KIF5C: variants seen among roughly 807,000 people sequenced by gnomAD.
KIF5C encodes the protein kinesin heavy chain isoform 5C.
KIF5C carries 18 observed loss-of-function variants against 125.2 expected under a neutral mutation model. That is an observed-to-expected ratio of 0.14 (90% CI 0.10 to 0.21). KIF5C has a LOEUF of 0.21. Among genes scored for constraint, KIF5C ranks in the 10% least tolerant of loss-of-function variants. The probability of loss-of-function intolerance (pLI) is 1.00; values close to 1 mark genes in which losing one functional copy is unlikely to be tolerated. For missense variants in KIF5C, 780 were observed against 1,183.8 expected, an observed-to-expected ratio of 0.66 and a Z score of 5.01; for synonymous variants, 405 against 434.0, an observed-to-expected ratio of 0.93 and a Z score of 0.83.
intron 2 of KIF5C, among the ~76,000 whole-genome samples, chr2:148,927,259 C>G (rs1017780735): frequency 6.6e-6 from 1 of 152,122 alleles, no homozygotes; most frequent in Non-Finnish European, 1.5e-5. Flanking sequence ...TGGCCTAATT[C>G]AGGAGGAAGT....
At chr2:148,917,132 T>C (rs1681586806) in intron 1 of KIF5C, among the ~76,000 whole-genome samples, 1 of 152,208 alleles carries the variant, frequency 6.6e-6, no homozygotes, top group Non-Finnish European at 1.5e-5. Context: ...CCCTCTGCTT[T>C]TTTTAATTTT....
chr2:148,896,287 C>T (rs912017666), intron 1 of KIF5C, among the ~76,000 whole-genome samples: 4 of 152,270 alleles, frequency 2.6e-5, no homozygotes, highest in East Asian at 1.9e-4. Context: ...CAGTGAACAA[C>T]ACATACGTGA....
chr2:148,950,176 G>C, intron 9 of KIF5C, 138 bp from the exon 10 acceptor site: 1 of 1,414,358 alleles, frequency 7.1e-7, no homozygotes, highest in South Asian at 1.5e-5. Context: ...TCTAAACTTT[G>C]GCAAGATCCA....
intron 10 of KIF5C, among the ~76,000 whole-genome samples, chr2:148,956,377 A>T (rs4130558): frequency 0.14 from 21,093 of 152,206 alleles, 2,234 homozygotes; most frequent in African/African-American, 0.29. Context: ...GAGAATCTTT[A>T]CTGACTTAAC....
intron 4 of KIF5C, among the ~76,000 whole-genome samples, chr2:148,940,007 A>G (rs1039729123): frequency 6.6e-6 from 1 of 152,256 alleles, no homozygotes; most frequent in African/African-American, 2.4e-5. Flanking sequence ...TCTAATTGCC[A>G]GATTTGCCAG....
At chr2:148,962,235 G>C (rs562914437) in intron 11 of KIF5C, 116 bp downstream of exon 11, 225 of 1,391,812 alleles carry the variant, frequency 1.6e-4, no homozygotes, top group Admixed American at 6.7e-4. Context: ...GCGTGATCTT[G>C]GCTCACCGCA....
chr2:148,904,456 G>A (rs73007589), intron 1 of KIF5C, among the ~76,000 whole-genome samples: 1,889 of 152,248 alleles, frequency 0.012, 43 homozygotes, highest in African/African-American at 0.043. Flanking sequence ...GAGGAGTGTC[G>A]TGCTGCGTTT....
Position 149,020,819 on chromosome 2 carries a change from A to T in KIF5C, c.*8-2259A>T, listed in dbSNP as rs541748293. 3.3e-5 allele frequency among the ~76,000 whole-genome samples: 5 copies of T among 152,318 alleles called. No homozygotes were observed. The East Asian group carries it at 9.6e-4, about 29-fold the overall frequency. Reference sequence around the variant, plus strand: ...GTTTTCAGCTCAGAATGCATTTTAAATAACAACTATGACCATGCTTTTAGG... The same window carrying T: ...GTTTTCAGCTCAGAATGCATTTTAATTAACAACTATGACCATGCTTTTAGG... On this transcript the variant is annotated intron_variant, in intron 25 of 25. Coordinates refer to ENST00000435030, the MANE Select transcript of KIF5C (RefSeq NM_004522.3).
intron 25 of KIF5C, among the ~76,000 whole-genome samples, chr2:149,011,915 C>A (rs1682220083): frequency 6.6e-6 from 1 of 152,172 alleles, no homozygotes; most frequent in South Asian, 2.1e-4. Context: ...CCAGGCCCGG[C>A]CTAATCCCCT....
In KIF5C at chr2:148,937,268, T is replaced by G. The variant is rs773743084; in HGVS notation, c.292-16T>G. On this transcript the variant is annotated splice_polypyrimidine_tract_variant and intron_variant, in intron 3 of 25. Coordinates refer to ENST00000435030, the MANE Select transcript of KIF5C (RefSeq NM_004522.3). ...AGCATGCTTTAACTGCCCGTGTTTGTATTTTCGCCCACTAGGGGAAGCTGC... is the reference window on the plus strand; with the variant it reads ...AGCATGCTTTAACTGCCCGTGTTTGGATTTTCGCCCACTAGGGGAAGCTGC... The G allele has an allele frequency of 1.3e-6, 2 of 1,573,402 alleles. No homozygotes were observed. The highest frequency in any genetic ancestry group is 1.7e-6 in the Non-Finnish European group (2 of 1,158,152).
intron 15 of KIF5C, among the ~76,000 whole-genome samples, chr2:148,987,953 G>C (rs531835751): frequency 1.3e-5 from 2 of 152,194 alleles, no homozygotes; most frequent in African/African-American, 4.8e-5. Flanking sequence ...TTGAGAGATG[G>C]GGGTAGGGAG....
At chr2:149,010,093 C>T (rs1375376756) in intron 23 of KIF5C, 42 bp from the exon 24 acceptor site, 15 of 1,512,276 alleles carry the variant, frequency 9.9e-6, no homozygotes, top group Non-Finnish European at 1.2e-5. Context: ...TGCAATGCTG[C>T]CTGCCTGGTA....
chr2:148,890,372 G>T (rs895700424), intron 1 of KIF5C, among the ~76,000 whole-genome samples: 10 of 152,032 alleles, frequency 6.6e-5, no homozygotes, highest in Admixed American at 2.0e-4. Context: ...ATGGTCGTGT[G>T]TACCTGTAGT....
chr2:148,994,438 G>C lies in KIF5C; in HGVS notation c.1923G>C (p.Lys641Asn). The C allele has an allele frequency of 6.4e-7, 1 of 1,566,950 alleles. No homozygotes were observed. The highest frequency in any genetic ancestry group is 8.7e-7 in the Non-Finnish European group (1 of 1,156,018). The change falls in exon 17 of 26, where the codon AAG becomes AAC. Residue 641 changes from lysine to asparagine, a missense_variant. Lys to Asn is a moderately conservative substitution (Grantham distance 94, BLOSUM62 0). Coordinates refer to ENST00000435030, the MANE Select transcript of KIF5C (RefSeq NM_004522.3). Reference protein sequence around the residue: ...LLISQHEAKIKSLTDYMQNME... With the variant: ...LLISQHEAKINSLTDYMQNME... ...GTTTAAAGCACGAAGCCAAGATCAA[G>C]TCTCTGACAGACTACATGCAGAACA...
intron 1 of KIF5C, among the ~76,000 whole-genome samples, chr2:148,899,738 A>G (rs1680823099): frequency 2.0e-5 from 3 of 150,310 alleles, no homozygotes; most frequent in African/African-American, 7.3e-5. Context: ...AAACAATTGG[A>G]TAATTACTAC....
rs150052482 is a variant in KIF5C at position 148,935,704 on chromosome 2, G to A, written c.292-1580G>A. Among the ~76,000 whole-genome samples the A allele has an allele frequency of 4.9e-3, 748 of 152,268 alleles. 5 individuals carry two copies. The highest frequency in any genetic ancestry group is 0.018 in the South Asian group (88 of 4,816). On this transcript the variant is annotated intron_variant, in intron 3 of 25. Transcript: ENST00000435030. ...TGAAATAAACTGCAATAATTTCTTC[G>A]TGAAAACCTGCTGTGAGCTGAGTGA...
chr2:149,022,269 G>A (rs1332247046), intron 25 of KIF5C, among the ~76,000 whole-genome samples: 1 of 152,100 alleles, frequency 6.6e-6, no homozygotes, highest in Non-Finnish European at 1.5e-5. Flanking sequence ...AATATCCATA[G>A]CCTCAACAGA....
intron 1 of KIF5C, among the ~76,000 whole-genome samples, chr2:148,895,651 G>A (rs1241605028): frequency 1.3e-5 from 2 of 152,128 alleles, no homozygotes; most frequent in African/African-American, 4.8e-5. Context: ...TAGCGTATTA[G>A]TTTGCTTGAA....
At chr2:148,980,541 A>C (rs1204449026) in intron 13 of KIF5C, among the ~76,000 whole-genome samples, 1 of 152,086 alleles carries the variant, frequency 6.6e-6, no homozygotes, top group East Asian at 1.9e-4. Context: ...AAAAAAGGTG[A>C]CTGACCACTG....
Sources: allele counts gnomAD v4.1 joint callset (sites outside exome capture counted in the v4.1 genomes callset), GRCh38; gene constraint gnomAD v4.1.1; transcripts MANE v1.5; gene names NCBI Gene and HGNC (gene_info 2026-07-23, HGNC 2026-07-21).